The following SYN3 variants were observed in gnomAD, a reference collection of about 807,000 sequenced individuals.
SYN3 encodes synapsin-3.
Under a neutral mutation model 65.8 loss-of-function variants are expected in SYN3, and 35 were observed. The ratio of observed to expected loss-of-function variants is 0.53; its 90% CI spans 0.41 to 0.70. The LOEUF (loss-of-function observed/expected upper bound fraction) is 0.70. SYN3 is among the 30% of genes least tolerant of loss of function. The pLI, the probability that SYN3 is intolerant of heterozygous loss-of-function variation, is 0.00. For missense variants in SYN3, 680 were observed against 749.0 expected, an observed-to-expected ratio of 0.91 and a Z score of 1.08; for synonymous variants, 270 against 292.9, an observed-to-expected ratio of 0.92 and a Z score of 0.80.
At chr22:32,743,052 T>A (rs190476354) in intron 6 of SYN3, among the ~76,000 whole-genome samples, 1 of 152,186 alleles carries the variant, frequency 6.6e-6, no homozygotes, top group African/African-American at 2.4e-5. Flanking sequence ...TAATAACAAA[T>A]CAATGAAAAC....
chr22:32,766,676 G>C (rs1335763370), intron 6 of SYN3, among the ~76,000 whole-genome samples: 4 of 152,130 alleles, frequency 2.6e-5, no homozygotes, highest in Non-Finnish European at 5.9e-5. Flanking sequence ...TCATGTCACT[G>C]AGAACCAAAT....
chr22:33,016,451 T>C (rs1215789962), intron 1 of SYN3, among the ~76,000 whole-genome samples: 1 of 152,200 alleles, frequency 6.6e-6, no homozygotes, highest in Non-Finnish European at 1.5e-5. Context: ...TTAGCTTCTT[T>C]GATAAAAGGA....
At chr22:32,633,797 CTTTTTT>C (rs968484520) in intron 6 of SYN3, among the ~76,000 whole-genome samples, 2 of 148,408 alleles carry the variant, frequency 1.3e-5, no homozygotes, top group Non-Finnish European at 3.0e-5. Context: ...TTTTTTTTTT[CTTTTTT>C]TTGTAGAGAA....
intron 11 of SYN3, 120 bp downstream of exon 11, chr22:32,528,754 C>T (rs544134839): frequency 3.3e-5 from 46 of 1,403,054 alleles, no homozygotes; most frequent in Middle Eastern, 1.8e-4. Context: ...CACCCCCATT[C>T]CTTCTCCCCA....
At chr22:32,983,625 T>G (rs1283963900) in intron 2 of SYN3, among the ~76,000 whole-genome samples, 1 of 152,222 alleles carries the variant, frequency 6.6e-6, no homozygotes, top group African/African-American at 2.4e-5. Flanking sequence ...GATTTTTTTT[T>G]TCTTTCAGCA....
chr22:32,510,467 T>C lies in SYN3; in HGVS notation c.*3225A>G, dbSNP rs904036681. Reference sequence around the variant, plus strand: ...ACTAAGTGAAAACTGGGTGAGATTGTTGAAGAGGGACGATTGCCACAGGGG... The same window carrying C: ...ACTAAGTGAAAACTGGGTGAGATTGCTGAAGAGGGACGATTGCCACAGGGG... On this transcript the variant is annotated 3_prime_UTR_variant, in exon 14 of 14. Transcript: ENST00000358763. 1.3e-5 allele frequency among the ~76,000 whole-genome samples: 2 copies of C among 152,208 alleles called. No individual in the cohort carries two copies. Among genetic ancestry groups the C allele is most frequent in the Admixed American group, 1.3e-4 (2 of 15,280 alleles).
chr22:32,541,306 T>C (rs117775223), intron 8 of SYN3, among the ~76,000 whole-genome samples: 7,031 of 152,302 alleles, frequency 0.046, 193 homozygotes, highest in Non-Finnish European at 0.067. Flanking sequence ...ACATATATCC[T>C]GTGTGTATGT....
intron 1 of SYN3, among the ~76,000 whole-genome samples, chr22:33,020,442 G>A (rs1384563146): frequency 6.6e-6 from 1 of 152,154 alleles, no homozygotes; most frequent in Non-Finnish European, 1.5e-5. Flanking sequence ...TGTCTGAAGA[G>A]GAGGACAGGC....
Position 32,837,132 on chromosome 22 carries a change from T to C in SYN3, c.711+27783A>G, listed in dbSNP as rs2146171278. Among the ~76,000 whole-genome samples the C allele has an allele frequency of 6.6e-6, 1 of 152,330 alleles. No individual in the cohort carries two copies. Among genetic ancestry groups the C allele is most frequent in the South Asian group, 2.1e-4 (1 of 4,828 alleles). On this transcript the variant is annotated intron_variant, in intron 6 of 13. Coordinates refer to ENST00000358763, the MANE Select transcript of SYN3 (RefSeq NM_003490.4). The surrounding 1 kb of genome is among the most constrained non-coding windows in gnomAD (Gnocchi z 4.1). Reference sequence around the variant, plus strand: ...AGATGGCTCCTGAGATGTTGCCAGCTGTTTGGGCTTCAAAAATGCCCCGAC... The same window carrying C: ...AGATGGCTCCTGAGATGTTGCCAGCCGTTTGGGCTTCAAAAATGCCCCGAC...
intron 7 of SYN3, among the ~76,000 whole-genome samples, chr22:32,571,157 T>C (rs1290716703): frequency 1.3e-5 from 2 of 152,172 alleles, no homozygotes; most frequent in African/African-American, 4.8e-5. Context: ...GAGGAAGGCC[T>C]TTCAGGCTCT....
chr22:33,033,293 G>A lies in SYN3; in HGVS notation c.-163+24999C>T, dbSNP rs1218813423. ...TGGGATTACAGGCATGAGCCACCAGGCCCAGCCCAGAATAAACTTCTTTAA... is the reference window on the plus strand; with the variant it reads ...TGGGATTACAGGCATGAGCCACCAGACCCAGCCCAGAATAAACTTCTTTAA... On this transcript the variant is annotated intron_variant, in intron 1 of 13. Transcript: ENST00000358763. Among the ~76,000 whole-genome samples the A allele has an allele frequency of 7.2e-5, 11 of 152,140 alleles. No individual in the cohort carries two copies. The East Asian group carries it at 2.1e-3, about 29-fold the overall frequency.
At chr22:32,981,351 C>T (rs1292954545) in intron 2 of SYN3, among the ~76,000 whole-genome samples, 2 of 151,238 alleles carry the variant, frequency 1.3e-5, no homozygotes, top group African/African-American at 4.9e-5. Context: ...TTTGGGAGGC[C>T]GAGGCAGGTG....
At chr22:33,055,374 G>A (rs140108435) in intron 1 of SYN3, among the ~76,000 whole-genome samples, 13 of 152,220 alleles carry the variant, frequency 8.5e-5, no homozygotes, top group African/African-American at 2.9e-4. Flanking sequence ...CCTCCACCTC[G>A]CGGTCTTTGA....
intron 3 of SYN3, among the ~76,000 whole-genome samples, chr22:32,970,926 A>T (rs745489850): frequency 5.3e-5 from 8 of 152,252 alleles, no homozygotes; most frequent in Non-Finnish European, 7.3e-5. Context: ...CCTTGGAGTT[A>T]GCCAGACCTG....
At chr22:33,013,029 G>T (rs1262468824) in intron 1 of SYN3, among the ~76,000 whole-genome samples, 3 of 152,078 alleles carry the variant, frequency 2.0e-5, no homozygotes, top group African/African-American at 7.2e-5. Flanking sequence ...GTCATTACTG[G>T]AACTGAGCCC....
chr22:32,627,851 C>T (rs151334782), intron 6 of SYN3, among the ~76,000 whole-genome samples: 3,976 of 152,076 alleles, frequency 0.026, 76 homozygotes, highest in Non-Finnish European at 0.041. Context: ...TGTTTTGAGA[C>T]AGAGTCTCAC....
chr22:32,601,928 G>GTTTTT (rs1392977315), intron 6 of SYN3, among the ~76,000 whole-genome samples: 1 of 151,056 alleles, frequency 6.6e-6, no homozygotes, highest in Non-Finnish European at 1.5e-5. Context: ...CACTCCCAGA[G>GTTTTT]CTTTTCTTTT....
rs537490223 is a variant in SYN3, at chr22:32,857,535, T to G, written c.711+7380A>C. ...GCTAGGAGCTTGAGGCTCCTACACT[T>G]AGGCTGGACTTTGGAATTAGCTCCA... is the stretch of plus-strand genomic sequence containing the variant. On this transcript the variant is annotated intron_variant, in intron 6 of 13. Transcript: ENST00000358763. Among the ~76,000 whole-genome samples the G allele has an allele frequency of 5.3e-5, 8 of 152,296 alleles. No individual in the cohort carries two copies. The South Asian group carries it at 1.7e-3, about 32-fold the overall frequency.
At chr22:32,787,828 A>G (rs999645528) in intron 6 of SYN3, among the ~76,000 whole-genome samples, 3 of 152,110 alleles carry the variant, frequency 2.0e-5, no homozygotes, top group African/African-American at 7.2e-5. Flanking sequence ...AGAAGGTAAT[A>G]TCTGAGCTGG....
Sources: allele counts gnomAD v4.1 joint callset (sites outside exome capture counted in the v4.1 genomes callset), GRCh38; gene constraint gnomAD v4.1.1; non-coding constraint Gnocchi (gnomAD v3.1); transcripts MANE v1.5; gene names NCBI Gene and HGNC (gene_info 2026-07-23, HGNC 2026-07-21).